Variants in TMC6 observed in about 807,000 individuals in gnomAD.
TMC6 encodes the protein transmembrane channel-like protein 6.
In TMC6, 71 loss-of-function variants were observed where a neutral mutation model predicts 95.4. The ratio of observed to expected loss-of-function variants is 0.74; its 90% confidence interval spans 0.61 to 0.91. The LOEUF (loss-of-function observed/expected upper bound fraction) is 0.91, where lower values mean the gene tolerates loss of function less well. Among genes scored for constraint, TMC6 ranks in the 40% least tolerant of loss-of-function variants. TMC6 has a pLI of 0.00. For missense variants in TMC6, 1,074 were observed against 1,079.1 expected, an observed-to-expected ratio of 1.00 and a Z score of 0.07; for synonymous variants, 514 against 483.1, an observed-to-expected ratio of 1.06 and a Z score of -0.84.
Position 78,117,497 on chromosome 17 carries a change from G to A in TMC6, c.2169C>T (p.Phe723=). The part of the protein sequence containing the change: ...WVHRYLMENT[F]FVFLVSALLL... ...GCAGGGCTGACACCAGGAAGACAAAGAAGGTGTTTTCCATCAGGTACCGGT... is the reference window on the plus strand; with the variant it reads ...GCAGGGCTGACACCAGGAAGACAAAAAAGGTGTTTTCCATCAGGTACCGGT... Residue 723 remains phenylalanine (F), a synonymous_variant, in exon 17 of 20, where the codon TTC becomes TTT. Coordinates refer to ENST00000590602, the MANE Select transcript of TMC6 (RefSeq NM_001127198.5). The A allele has an allele frequency of 6.2e-7, 1 of 1,609,336 alleles. No homozygotes were observed. Among genetic ancestry groups the A allele is most frequent in the Non-Finnish European group, 8.5e-7 (1 of 1,179,026 alleles).
intron 9 of TMC6, among the ~76,000 whole-genome samples, chr17:78,123,645 AT>A: frequency 1.5e-5 from 1 of 68,340 alleles, no homozygotes; most frequent in South Asian, 5.7e-4. Flanking sequence ...GGGTGAACTG[AT>A]TGGGTGAATG....
At position 78,110,479 on chromosome 17, in the gene TMC6, A is replaced by C. The variant is rs2073803572; in HGVS notation, c.*2669T>G. On this transcript the variant is annotated 3_prime_UTR_variant, in exon 20 of 20. Transcript: ENST00000590602. ...AGAGCAAGACTCTGAAAAAGCAAAT[A>C]AACCGAAACTCTTGGGCTCAAGCAA... is the stretch of plus-strand genomic sequence containing the variant. 6.6e-6 allele frequency: 1 copy of C among 152,208 alleles called. No homozygotes were observed. Among genetic ancestry groups the C allele is most frequent in the Admixed American group, 6.5e-5 (1 of 15,278 alleles). 9.4% of individuals were successfully genotyped at this position (152,208 alleles called of 1,614,324 possible). A position where few individuals can be genotyped will look rare whatever the true frequency, so the allele number is the denominator to read the frequency against.
At chr17:78,120,483 T>G (rs745404549) in intron 13 of TMC6, 170 bp downstream of exon 13, 185 of 1,077,314 alleles carry the variant, frequency 1.7e-4, no homozygotes, top group Non-Finnish European at 2.3e-4. Context: ...TGAAACCTGT[T>G]TTCCTTTCCA....
upstream of TMC6, chr17:78,131,438 C>T (rs1568010833): frequency 1.8e-6 from 2 of 1,120,616 alleles, no homozygotes; most frequent in South Asian, 2.7e-5. Flanking sequence ...GGAGCCCAGG[C>T]CCCGACGCCG....
rs772140683 is a variant in TMC6 at position 78,117,252 on chromosome 17, C to G, written c.2277+17G>C. 1 of 1,613,220 alleles carries G rather than the reference C, an allele frequency of 6.2e-7. No homozygotes were observed. The highest frequency in any genetic ancestry group is 1.1e-5 in the South Asian group (1 of 91,082). On this transcript the variant is annotated intron_variant, in intron 18 of 19. Coordinates refer to ENST00000590602, the MANE Select transcript of TMC6 (RefSeq NM_001127198.5). Reference sequence around the variant, plus strand: ...TGAGAGGGTGGGGGCTGAGAGCAGCCCAGGAGGGGCACTCACATTGCTGAT... The same window carrying G: ...TGAGAGGGTGGGGGCTGAGAGCAGCGCAGGAGGGGCACTCACATTGCTGAT...
At chr17:78,126,161 G>C (rs544682750) in intron 4 of TMC6, 116 bp downstream of exon 4, 1 of 1,411,984 alleles carries the variant, frequency 7.1e-7, no homozygotes, top group Non-Finnish European at 9.6e-7. Flanking sequence ...GCCTGGCTCT[G>C]AGCTACGGGA....
At position 78,122,881 on chromosome 17, in the gene TMC6, C is replaced by A; in HGVS notation, c.1083-132G>T. ...AGGAGCCATCTGGGCCCTGACTGGG[C>A]CTCCTGCCACACCCCTGCCCCACCA... On this transcript the variant is annotated intron_variant, in intron 9 of 19. Coordinates refer to ENST00000590602, the MANE Select transcript of TMC6 (RefSeq NM_001127198.5). The surrounding 1 kb of genome is among the most constrained non-coding windows in gnomAD (Gnocchi z 4.9). The A allele has an allele frequency of 1.6e-6, 2 of 1,266,128 alleles. No homozygotes were observed. The highest frequency in any genetic ancestry group is 2.0e-5 in the Admixed American group (1 of 50,390). The allele number at this position is 1,266,128 out of a possible 1,614,324, so 78.4% of individuals were successfully genotyped here. A position where few individuals can be genotyped will look rare whatever the true frequency, so the allele number is the denominator to read the frequency against.
At chr17:78,120,397 T>G (rs562227326) in intron 13 of TMC6, 1 of 569,260 alleles carries the variant, frequency 1.8e-6, no homozygotes, top group South Asian at 1.5e-5. Context: ...TGACCTCAGG[T>G]GATCCACTCA....
Position 78,119,291 on chromosome 17 carries a change from C to T in TMC6, c.1811+6G>A. 1 of 1,613,950 alleles carries T rather than the reference C, an allele frequency of 6.2e-7. No individual in the cohort carries two copies. Among genetic ancestry groups the T allele is most frequent in the Non-Finnish European group, 8.5e-7 (1 of 1,179,996 alleles). ...AGACAGTAGGAGGCAAGCAGAGGACCCTCACCAGGTCAGAGTCTGCCCATA... is the reference window on the plus strand; with the variant it reads ...AGACAGTAGGAGGCAAGCAGAGGACTCTCACCAGGTCAGAGTCTGCCCATA... On this transcript the variant is annotated splice_donor_region_variant and intron_variant, in intron 14 of 19. Coordinates refer to ENST00000590602, the MANE Select transcript of TMC6 (RefSeq NM_001127198.5).
At chr17:78,117,675 C>T in intron 16 of TMC6, 31 bp from the exon 17 acceptor site, 1 of 1,556,468 alleles carries the variant, frequency 6.4e-7, no homozygotes, top group Non-Finnish European at 8.7e-7. Context: ...GAACCCTCAC[C>T]CCGAGCAACA....
intron 9 of TMC6, 109 bp downstream of exon 9, chr17:78,123,880 T>G: frequency 2.1e-6 from 3 of 1,422,894 alleles, no homozygotes; most frequent in East Asian, 2.4e-5. Context: ...AGCAGACAGG[T>G]AGATGGACAG....
chr17:78,126,206 C>T (rs1245058430), intron 4 of TMC6, 71 bp downstream of exon 4: 1 of 1,524,586 alleles, frequency 6.6e-7, no homozygotes, highest in Admixed American at 2.0e-5. Context: ...TGGCAGGAAG[C>T]CCAGCCCAGC....
Position 78,111,671 on chromosome 17 carries a change from G to A in TMC6, c.*1477C>T, listed in dbSNP as rs1183797721. On this transcript the variant is annotated 3_prime_UTR_variant, in exon 20 of 20. Transcript: ENST00000590602. ...CTGTGGCAGCACCCAGATGTCTGCA[G>A]AGCACAGGAGCATCCCCATGGGATT... 4 of 154,364 alleles carry A rather than the reference G, an allele frequency of 2.6e-5. No homozygotes were observed. The highest frequency in any genetic ancestry group is 4.8e-5 in the African/African-American group (2 of 41,486). 9.6% of individuals were successfully genotyped at this position (154,364 alleles called of 1,614,324 possible).
In TMC6 at chr17:78,121,825, G is replaced by A; in HGVS notation, c.1228-114C>T. The A allele has an allele frequency of 7.3e-7, 1 of 1,365,124 alleles. No homozygotes were observed. The highest frequency in any genetic ancestry group is 1.8e-4 in the Middle Eastern group (1 of 5,462). 84.6% of individuals were successfully genotyped at this position (1,365,124 alleles called of 1,614,324 possible). ...GAGACACACCAGGAGGCTTGAACCAGGACAGAGGGCCAGTTCCCCATGCCC... is the reference window on the plus strand; with the variant it reads ...GAGACACACCAGGAGGCTTGAACCAAGACAGAGGGCCAGTTCCCCATGCCC... On this transcript the variant is annotated intron_variant, in intron 10 of 19. Transcript: ENST00000590602. The surrounding 1 kb of genome is among the most constrained non-coding windows in gnomAD (Gnocchi z 5.6).
At position 78,124,139 on chromosome 17, in the gene TMC6, C is replaced by A. The variant is rs1261693529; in HGVS notation, c.932G>T (p.Ser311Ile). The A allele has an allele frequency of 1.9e-6, 3 of 1,612,546 alleles. No homozygotes were observed. Among genetic ancestry groups the A allele is most frequent in the African/African-American group, 1.3e-5 (1 of 74,896 alleles). Residue 311 changes from serine to isoleucine, a missense_variant, in exon 9 of 20, where the codon AGT (serine) becomes ATT (isoleucine). By Grantham distance (142) the Ser-to-Ile change is moderately radical (BLOSUM62 -2). Transcript: ENST00000590602. ...ACACGGCTGGTTCAGCGTGGCGTTACTGTAGTGGCCGTAGTACATGACGGT... is the reference window on the plus strand; with the variant it reads ...ACACGGCTGGTTCAGCGTGGCGTTAATGTAGTGGCCGTAGTACATGACGGT... ...THTVMYYGHY[S>I]NATLNQPCGS...
chr17:78,124,897 AG>A lies in TMC6; in HGVS notation c.624del (p.Cys209AlafsTer19). 1 of 1,597,084 alleles carries A rather than the reference AG, an allele frequency of 6.3e-7. No homozygotes were observed. Among genetic ancestry groups the A allele is most frequent in the Non-Finnish European group, 8.5e-7 (1 of 1,173,584 alleles). ...VCSCCGRLRYACVLALHSLGL... is the reference protein window; with the variant it reads ...VCSCCGRLRYXCVLALHSLGL... ...AGACCAGGGGCCCATACCAGCACGCAGGCATATCTGAGCCGGCCACAGCAGG... is the reference window on the plus strand; with the variant it reads ...AGACCAGGGGCCCATACCAGCACGCAGCATATCTGAGCCGGCCACAGCAGG... On this transcript the variant is annotated frameshift_variant, in exon 7 of 20. Coordinates refer to ENST00000590602, the MANE Select transcript of TMC6 (RefSeq NM_001127198.5). LOFTEE classifies it high-confidence loss of function.
Position 78,109,609 on chromosome 17 carries a change from C to CT in TMC6, c.*3538_*3539insA, listed in dbSNP as rs1246034368. On this transcript the variant is annotated 3_prime_UTR_variant, in exon 20 of 20. Coordinates refer to ENST00000590602, the MANE Select transcript of TMC6 (RefSeq NM_001127198.5). The stretch of plus-strand genomic sequence containing the variant: ...TCGTGCCACTGTGCTCCGGGATGGG[C>CT]AACAGAAAGACCCCATCTCAAAAAA... 2.2e-6 allele frequency: 1 copy of CT among 453,094 alleles called. No homozygotes were observed. Among genetic ancestry groups the CT allele is most frequent in the African/African-American group, 2.0e-5 (1 of 49,872 alleles). 28.1% of individuals were successfully genotyped at this position (453,094 alleles called of 1,614,324 possible).
chr17:78,115,074 C>T (rs1326285034), intron 18 of TMC6, among the ~76,000 whole-genome samples: 1 of 152,264 alleles, frequency 6.6e-6, no homozygotes, highest in East Asian at 1.9e-4. Context: ...AGCCGAGATG[C>T]CAGGCTTTCA....
At chr17:78,113,973 G>A (rs948144828) in intron 18 of TMC6, 1 of 377,462 alleles carries the variant, frequency 2.6e-6, no homozygotes, top group South Asian at 2.2e-5. Flanking sequence ...TGTAAAGGGG[G>A]ATAATAACAC....
Sources: gnomAD v4.1 joint callset for allele counts (sites outside exome capture counted in the v4.1 genomes callset) on GRCh38, gnomAD v4.1.1 for gene constraint, Gnocchi (gnomAD v3.1) non-coding constraint, MANE v1.5 for transcripts, NCBI Gene and HGNC (gene_info 2026-07-23, HGNC 2026-07-21) for gene names.